Variants in C12orf75 observed in about 807,000 individuals in gnomAD.
The protein encoded by C12orf75 is chromosome 12 open reading frame 75.
In C12orf75, 4 loss-of-function variants were observed where a neutral mutation model predicts 11.4. That is an observed-to-expected ratio of 0.35 (90% CI 0.17 to 0.80). C12orf75 has a LOEUF of 0.80. C12orf75 is among the 30% of genes least tolerant of loss of function. The pLI, the probability that C12orf75 is intolerant of heterozygous loss-of-function variation, is 0.52. For synonymous variants in C12orf75, 30 were observed against 30.0 expected, an observed-to-expected ratio of 1.00 and a Z score of 0.00; for missense variants, 89 against 80.4, an observed-to-expected ratio of 1.11 and a Z score of -0.41.
At chr12:105,339,996 A>G (rs139084028) in intron 1 of C12orf75, among the ~76,000 whole-genome samples, 3 of 152,212 alleles carry the variant, frequency 2.0e-5, no homozygotes, top group Non-Finnish European at 4.4e-5. Context: ...CACATCAATA[A>G]ATGTTTGAAT....
chr12:105,357,340 G>C (rs1161036476), intron 2 of C12orf75, among the ~76,000 whole-genome samples: 1 of 152,150 alleles, frequency 6.6e-6, no homozygotes, highest in Non-Finnish European at 1.5e-5. Context: ...TAGTTGCAGT[G>C]GTTGCCTTTG....
intron 1 of C12orf75, among the ~76,000 whole-genome samples, chr12:105,334,219 C>T (rs1459099278): frequency 6.6e-6 from 1 of 152,198 alleles, no homozygotes; most frequent in Non-Finnish European, 1.5e-5. Flanking sequence ...TATGTGGGAC[C>T]TCCTCTGCTG....
At chr12:105,366,776 A>AT in intron 4 of C12orf75, 80 bp downstream of exon 4, 1 of 852,370 alleles carries the variant, frequency 1.2e-6, no homozygotes, top group South Asian at 1.5e-5. Context: ...TTTATATTTC[A>AT]GCTTACTCGA....
rs140398364 is a variant in C12orf75, at chr12:105,332,975, C to T, written c.46+2038C>T. 3.0e-4 allele frequency among the ~76,000 whole-genome samples: 46 copies of T among 151,456 alleles called. No individual in the cohort carries two copies. The East Asian group carries it at 8.1e-3, about 27-fold the overall frequency. On this transcript the variant is annotated intron_variant, in intron 1 of 5. Transcript: ENST00000443585. ...CCGAAAGAGTAGTTTGAGGAGCAGC[C>T]TCACTTTTGTTTGTGGACAGTGCAT... is the stretch of plus-strand genomic sequence containing the variant.
intron 1 of C12orf75, among the ~76,000 whole-genome samples, chr12:105,340,430 CA>C (rs60658476): frequency 0.42 from 48,186 of 115,134 alleles, 8,269 homozygotes; most frequent in East Asian, 0.49. Context: ...GTGCCCCCGC[CA>C]AAAAAAAAAA....
At chr12:105,360,664 T>G (rs1892848996) in intron 2 of C12orf75, among the ~76,000 whole-genome samples, 1 of 152,212 alleles carries the variant, frequency 6.6e-6, no homozygotes, top group Non-Finnish European at 1.5e-5. Context: ...ACAATTTTTA[T>G]TTTTTGAGAC....
chr12:105,339,304 C>G (rs948062153), intron 1 of C12orf75, among the ~76,000 whole-genome samples: 1 of 151,252 alleles, frequency 6.6e-6, no homozygotes, highest in African/African-American at 2.4e-5. Flanking sequence ...GACATTCTTG[C>G]ATGTTTTTAT....
intron 2 of C12orf75, among the ~76,000 whole-genome samples, chr12:105,349,477 A>G (rs1420562406): frequency 6.6e-6 from 1 of 152,160 alleles, no homozygotes; most frequent in Non-Finnish European, 1.5e-5. Flanking sequence ...CAGAGGTTTG[A>G]TCTTCCTGCT....
At chr12:105,342,319 T>C (rs926975125) in intron 1 of C12orf75, among the ~76,000 whole-genome samples, 7 of 152,164 alleles carry the variant, frequency 4.6e-5, no homozygotes, top group Non-Finnish European at 1.0e-4. Flanking sequence ...GGGCTGGTTA[T>C]TGAGAGAGTG....
intron 3 of C12orf75, chr12:105,366,389 C>T (rs1566143257): frequency 2.7e-6 from 1 of 369,902 alleles, no homozygotes; most frequent in Non-Finnish European, 4.8e-6. Context: ...AGTAAAATAT[C>T]TAAAAATTCT....
chr12:105,339,602 G>A (rs1045511544), intron 1 of C12orf75, among the ~76,000 whole-genome samples: 1 of 151,840 alleles, frequency 6.6e-6, no homozygotes, highest in African/African-American at 2.4e-5. Flanking sequence ...AAATGTATAT[G>A]ACCTTTTCTT....
chr12:105,343,692 T>A (rs1257118438), intron 1 of C12orf75, among the ~76,000 whole-genome samples: 2 of 152,202 alleles, frequency 1.3e-5, no homozygotes, highest in Non-Finnish European at 2.9e-5. Flanking sequence ...CTGATAGTTT[T>A]GTTTAGGGTT....
chr12:105,348,258 T>C (rs1209904760), intron 1 of C12orf75, among the ~76,000 whole-genome samples: 1 of 151,574 alleles, frequency 6.6e-6, no homozygotes, highest in Admixed American at 6.6e-5. Flanking sequence ...CAAGAAAAAA[T>C]ACAAAAATTA....
chr12:105,331,548 A>G (rs1892423920), intron 1 of C12orf75, among the ~76,000 whole-genome samples: 2 of 151,980 alleles, frequency 1.3e-5, no homozygotes, highest in Admixed American at 1.3e-4. Flanking sequence ...CATATGTGAG[A>G]CAGAGCTTTA....
At chr12:105,337,602 C>T (rs975676513) in intron 1 of C12orf75, among the ~76,000 whole-genome samples, 5 of 152,122 alleles carry the variant, frequency 3.3e-5, no homozygotes, top group Non-Finnish European at 5.9e-5. Flanking sequence ...GGTGGCATCT[C>T]TTGATCTACC....
intron 2 of C12orf75, among the ~76,000 whole-genome samples, chr12:105,356,255 G>T (rs1416018471): frequency 2.6e-5 from 4 of 152,114 alleles, no homozygotes; most frequent in Non-Finnish European, 4.4e-5. Context: ...TTGTAGTGTA[G>T]ATGGAAGTAA....
In C12orf75 at chr12:105,330,854, G is replaced by C; in HGVS notation, c.-38G>C. On this transcript the variant is annotated 5_prime_UTR_variant, in exon 1 of 6. Transcript: ENST00000443585. ...GTCTCCGCCCCCAGGACCCGCGGCC[G>C]AGAGCTCCGGAGCGCGGCTTCCCCG... 1.2e-5 allele frequency: 15 copies of C among 1,250,406 alleles called. No individual in the cohort carries two copies. Among genetic ancestry groups the C allele is most frequent in the Non-Finnish European group, 1.3e-5 (13 of 998,758 alleles). 77.5% of individuals were successfully genotyped at this position (1,250,406 alleles called of 1,614,324 possible).
chr12:105,355,618 C>T (rs916897151), intron 2 of C12orf75, among the ~76,000 whole-genome samples: 1 of 152,120 alleles, frequency 6.6e-6, no homozygotes, highest in Non-Finnish European at 1.5e-5. Flanking sequence ...AATGGCCCCA[C>T]CTGTAAGAGC....
intron 2 of C12orf75, among the ~76,000 whole-genome samples, chr12:105,351,032 A>C (rs193022349): frequency 1.1e-3 from 163 of 152,320 alleles, no homozygotes; most frequent in African/African-American, 3.7e-3. Flanking sequence ...AAACAAATGC[A>C]GTGGATTTAC....
Sources: gnomAD v4.1 joint callset for allele counts (sites outside exome capture counted in the v4.1 genomes callset) on GRCh38, gnomAD v4.1.1 for gene constraint, MANE v1.5 for transcripts, NCBI Gene and HGNC (gene_info 2026-07-23, HGNC 2026-07-21) for gene names.